Variants in TCP10L observed in about 807,000 individuals in gnomAD.
TCP10L encodes T-complex protein 10A homolog 1.
In TCP10L, 11 loss-of-function variants were observed where a neutral mutation model predicts 19.2. The ratio of observed to expected loss-of-function variants is 0.57; its 90% CI spans 0.36 to 0.95. TCP10L has a LOEUF of 0.95. Among genes scored for constraint, TCP10L ranks in the 40% least tolerant of loss-of-function variants. TCP10L has a pLI of 0.01. For missense variants in TCP10L, 247 were observed against 263.9 expected (o/e 0.94, Z 0.44); for synonymous variants, 96 against 97.2 (o/e 0.99, Z 0.07).
intron 3 of TCP10L, among the ~76,000 whole-genome samples, chr21:32,581,581 G>T (rs2038495100): frequency 6.6e-6 from 1 of 152,152 alleles, no homozygotes; most frequent in South Asian, 2.1e-4. Context: ...TAGCCTGCCG[G>T]TCTGTACACT....
chr21:32,576,923 G>A lies in TCP10L; in HGVS notation c.499C>T (p.Pro167Ser). 1 of 1,605,386 alleles carries A rather than the reference G, an allele frequency of 6.2e-7. No homozygotes were observed. Among genetic ancestry groups the A allele is most frequent in the Non-Finnish European group, 8.5e-7 (1 of 1,177,974 alleles). The part of the protein sequence containing the change: ...SSSNNSAPPK[P>S]MSLKIERISS... ...ATTCTTTCTATCTTTAAACTCATTG[G>A]CTGAAAACAAATGTGGGAATATTTT... Residue 167 changes from proline (P) to serine (S), a missense_variant and splice_region_variant, in exon 5 of 5, where the codon CCA (proline) becomes TCA (serine). By Grantham distance (74) the Pro-to-Ser change is moderately conservative (BLOSUM62 -1). Coordinates refer to ENST00000300258, the MANE Select transcript of TCP10L (RefSeq NM_144659.7).
rs1400571274 is a variant in TCP10L at position 32,578,583 on chromosome 21, C to T, written c.498+111G>A. 21 of 1,479,448 alleles carry T rather than the reference C, an allele frequency of 1.4e-5. No homozygotes were observed. Among genetic ancestry groups the T allele is most frequent in the Non-Finnish European group, 1.9e-5 (21 of 1,096,208 alleles). 91.6% of individuals were successfully genotyped at this position (1,479,448 alleles called of 1,614,324 possible). A position where few individuals can be genotyped will look rare whatever the true frequency, so the allele number is the denominator to read the frequency against. ...TGGAAGAACACAGGACTCCAGGGAG[C>T]ACCATGCTCACCCAGGGAGGTGAAA... On this transcript the variant is annotated intron_variant, in intron 4 of 4. Coordinates refer to ENST00000300258, the MANE Select transcript of TCP10L (RefSeq NM_144659.7). This position sits in a 1 kb window ranked among gnomAD's most constrained non-coding sequence, Gnocchi z 4.2.
At chr21:32,584,643 A>G (rs973150765) in intron 1 of TCP10L, among the ~76,000 whole-genome samples, 5 of 152,016 alleles carry the variant, frequency 3.3e-5, no homozygotes, top group Admixed American at 1.3e-4. Context: ...GTGGGTTGTG[A>G]GCAGGATATG....
At chr21:32,581,391 G>A (rs2038492880) in intron 3 of TCP10L, among the ~76,000 whole-genome samples, 1 of 152,182 alleles carries the variant, frequency 6.6e-6, no homozygotes, top group Non-Finnish European at 1.5e-5. Flanking sequence ...ACCAAGGCAA[G>A]AACCCAGGAT....
Position 32,578,343 on chromosome 21 carries a change from G to A in TCP10L, c.498+351C>T, listed in dbSNP as rs1457987400. Among the ~76,000 whole-genome samples the A allele has an allele frequency of 1.3e-5, 2 of 152,202 alleles. No homozygotes were observed. The highest frequency in any genetic ancestry group is 2.9e-5 in the Non-Finnish European group (2 of 68,034). On this transcript the variant is annotated intron_variant, in intron 4 of 4. Transcript: ENST00000300258. The surrounding 1 kb of genome is among the most constrained non-coding windows in gnomAD (Gnocchi z 4.2). ...AGAAGCAGGGAGCACGGGAGGCTGC[G>A]AGCCCTCAGACTCACGGGTGGAGAC...
At position 32,576,263 on chromosome 21, in the gene TCP10L, C is replaced by A. The variant is rs928136611; in HGVS notation, c.*511G>T. The A allele has an allele frequency of 9.5e-6, 15 of 1,574,016 alleles. No individual in the cohort carries two copies. The highest frequency in any genetic ancestry group is 1.3e-5 in the Non-Finnish European group (15 of 1,150,922). ...TCCTGCAGCATGGCGGCCTGGGAAG[C>A]CTGCACTGGTGATTTTCTGCCACTC... On this transcript the variant is annotated 3_prime_UTR_variant, in exon 5 of 5. Transcript: ENST00000300258.
Position 32,576,099 on chromosome 21 carries a change from G to T in TCP10L, c.*675C>A. On this transcript the variant is annotated 3_prime_UTR_variant, in exon 5 of 5. Coordinates refer to ENST00000300258, the MANE Select transcript of TCP10L (RefSeq NM_144659.7). ...ACAAAAAGTGGCCACAAATTAGGCA[G>T]CTCCAGGAAGGACATGTCCTTGCCA... 1 of 617,650 alleles carries T rather than the reference G, an allele frequency of 1.6e-6. No individual in the cohort carries two copies. The highest frequency in any genetic ancestry group is 2.6e-6 in the Non-Finnish European group (1 of 385,058). 38.3% of individuals were successfully genotyped at this position (617,650 alleles called of 1,614,324 possible).
intron 4 of TCP10L, 76 bp from the exon 5 acceptor site, chr21:32,576,999 C>T (rs532657861): frequency 3.5e-6 from 5 of 1,414,932 alleles, no homozygotes; most frequent in South Asian, 1.4e-5. Flanking sequence ...CACATCATAC[C>T]AGCTATCACA....
chr21:32,585,006 G>C (rs2048312874), intron 1 of TCP10L, among the ~76,000 whole-genome samples: 1 of 152,180 alleles, frequency 6.6e-6, no homozygotes, highest in Admixed American at 6.5e-5. Context: ...AAGCCTGCAG[G>C]GTCGTCTCTG....
chr21:32,581,049 G>A (rs8132796), intron 3 of TCP10L, among the ~76,000 whole-genome samples: 3,833 of 152,280 alleles, frequency 0.025, 179 homozygotes, highest in African/African-American at 0.087. Context: ...GACCACCGTG[G>A]CCTGCCACAC....
At position 32,578,183 on chromosome 21, in the gene TCP10L, G is replaced by A. The variant is rs2038455014; in HGVS notation, c.498+511C>T. On this transcript the variant is annotated intron_variant, in intron 4 of 4. Transcript: ENST00000300258. This position sits in a 1 kb window ranked among gnomAD's most constrained non-coding sequence, Gnocchi z 4.2. ...TTGTTTGTGGCCAGTTTTGGGGCCAGTTTATGGCCAGATCTGGGGGCCTAT... is the reference window on the plus strand; with the variant it reads ...TTGTTTGTGGCCAGTTTTGGGGCCAATTTATGGCCAGATCTGGGGGCCTAT... Among the ~76,000 whole-genome samples the A allele has an allele frequency of 4.6e-5, 7 of 152,368 alleles. No individual in the cohort carries two copies. In the South Asian group the frequency reaches 1.4e-3, roughly 32 times the overall value.
intron 3 of TCP10L, among the ~76,000 whole-genome samples, chr21:32,580,476 C>CTG (rs3056366): frequency 0.24 from 32,509 of 137,114 alleles, 3,719 homozygotes; most frequent in East Asian, 0.34. Flanking sequence ...CGGTGGGTGC[C>CTG]TGTGTGTGTG....
Position 32,576,281 on chromosome 21 carries a change from T to A in TCP10L, c.*493A>T. On this transcript the variant is annotated 3_prime_UTR_variant, in exon 5 of 5. Transcript: ENST00000300258. ...TGGGAAGCCTGCACTGGTGATTTTC[T>A]GCCACTCAAGTTTTGCAGACTTCGG... 1.3e-6 allele frequency: 2 copies of A among 1,575,850 alleles called. No homozygotes were observed. The highest frequency in any genetic ancestry group is 2.7e-5 in the African/African-American group (2 of 74,192).
rs1395640164 is a variant in TCP10L at position 32,576,878 on chromosome 21, GT to G, written c.543del (p.Pro182HisfsTer58). 19 of 1,614,020 alleles carry G rather than the reference GT, an allele frequency of 1.2e-5. No individual in the cohort carries two copies. Among genetic ancestry groups the G allele is most frequent in the Non-Finnish European group, 1.6e-5 (19 of 1,180,032 alleles). On this transcript the variant is annotated frameshift_variant, in exon 5 of 5. Transcript: ENST00000300258. LOFTEE classifies it low-confidence loss of function (END_TRUNC). The stretch of plus-strand genomic sequence containing the variant: ...AGATTTTTATCTCTATTTTCCTGTG[GT>G]GGTGTTTTCCACGAGCTAATTCTTT... ...KIERISSWKT[P>X]PQENRDKNLS...
chr21:32,582,446 C>T lies in TCP10L; in HGVS notation c.145-31G>A, dbSNP rs745662927. The T allele has an allele frequency of 5.0e-6, 8 of 1,592,800 alleles. No individual in the cohort carries two copies. Among genetic ancestry groups the T allele is most frequent in the African/African-American group, 1.4e-5 (1 of 73,678 alleles). Reference sequence around the variant, plus strand: ...ATTGGGAAGAGAACACCAGAAAAACCTCTCAGATGTCACAATGGGCACATT... The same window carrying T: ...ATTGGGAAGAGAACACCAGAAAAACTTCTCAGATGTCACAATGGGCACATT... On this transcript the variant is annotated intron_variant, in intron 2 of 4. Coordinates refer to ENST00000300258, the MANE Select transcript of TCP10L (RefSeq NM_144659.7). This position sits in a 1 kb window ranked among gnomAD's most constrained non-coding sequence, Gnocchi z 4.2.
At chr21:32,585,360 AC>A in intron 1 of TCP10L, 60 bp downstream of exon 1, 1 of 222,340 alleles carries the variant, frequency 4.5e-6, no homozygotes, top group Non-Finnish European at 9.2e-6. Context: ...CAAACTCATG[AC>A]CCCCTCAGTC....
rs1024767195 is a variant in TCP10L, at chr21:32,574,140, T to C, written c.*2634A>G. ...CCCAAATTTCCTGCCGTAGAGAAAA[T>C]AATTTCATTTTATTGACATTTTTTG... On this transcript the variant is annotated 3_prime_UTR_variant, in exon 5 of 5. Transcript: ENST00000300258. The C allele has an allele frequency of 6.7e-6, 1 of 149,186 alleles. No individual in the cohort carries two copies. Among genetic ancestry groups the C allele is most frequent in the African/African-American group, 2.5e-5 (1 of 40,502 alleles). The allele number at this position is 149,186 out of a possible 1,614,324, so 9.2% of individuals were successfully genotyped here.
Position 32,582,958 on chromosome 21 carries a change from T to C in TCP10L, c.145-543A>G, listed in dbSNP as rs1336503811. ...TCCACATAATATAACCAGATAAAGA[T>C]GGTTAGTGAATTATGATTTTTTTGT... On this transcript the variant is annotated intron_variant, in intron 2 of 4. Coordinates refer to ENST00000300258, the MANE Select transcript of TCP10L (RefSeq NM_144659.7). This position sits in a 1 kb window ranked among gnomAD's most constrained non-coding sequence, Gnocchi z 4.2. 6.6e-6 allele frequency among the ~76,000 whole-genome samples: 1 copy of C among 151,588 alleles called. No homozygotes were observed. The highest frequency in any genetic ancestry group is 1.9e-4 in the East Asian group (1 of 5,178).
In TCP10L at chr21:32,578,682, A is replaced by C; in HGVS notation, c.498+12T>G. 6.2e-7 allele frequency: 1 copy of C among 1,612,420 alleles called. No homozygotes were observed. The highest frequency in any genetic ancestry group is 8.5e-7 in the Non-Finnish European group (1 of 1,179,394). On this transcript the variant is annotated intron_variant, in intron 4 of 4. Transcript: ENST00000300258. The surrounding 1 kb of genome is among the most constrained non-coding windows in gnomAD (Gnocchi z 4.2). Reference sequence around the variant, plus strand: ...CTGCTTCTCTTTACAGATGATAAGCACAAAGGGTCACCTTTGGAGGAGCTG... The same window carrying C: ...CTGCTTCTCTTTACAGATGATAAGCCCAAAGGGTCACCTTTGGAGGAGCTG...
Sources: allele counts gnomAD v4.1 joint callset (sites outside exome capture counted in the v4.1 genomes callset), GRCh38; gene constraint gnomAD v4.1.1; non-coding constraint Gnocchi (gnomAD v3.1); transcripts MANE v1.5; gene names NCBI Gene and HGNC (gene_info 2026-07-23, HGNC 2026-07-21).